Variants in AK9 observed in about 807,000 individuals in gnomAD.
The protein encoded by AK9 is adenylate kinase domain containing 1.
In AK9, 191 loss-of-function variants were observed where a neutral mutation model predicts 239.6. That is an observed-to-expected ratio of 0.80 (90% CI 0.71 to 0.90). The LOEUF is 0.90. Among genes scored for constraint, AK9 ranks in the 40% least tolerant of loss-of-function variants. The pLI, the probability that AK9 is intolerant of heterozygous loss-of-function variation, is 0.00. For synonymous variants in AK9, 689 were observed against 721.0 expected (o/e 0.96, Z 0.71); for missense variants, 1,995 against 2,214.7 (o/e 0.90, Z 1.99).
chr6:109,589,063 T>C (rs114502075), intron 17 of AK9, among the ~76,000 whole-genome samples: 1,735 of 152,330 alleles, frequency 0.011, 31 homozygotes, highest in African/African-American at 0.039. Flanking sequence ...ATTTGGGCTC[T>C]TTTTATTGTT....
rs373528361 is a variant in AK9, at chr6:109,493,330, G to C, written c.*39C>G. ...TCTCAGTTTCCCTCTATCACTTTCA[G>C]ATAACTCTTGAGATTCAGGCTGCTA... On this transcript the variant is annotated 3_prime_UTR_variant, in exon 41 of 41. Coordinates refer to ENST00000424296, the MANE Select transcript of AK9 (RefSeq NM_001145128.3). 1.9e-6 allele frequency: 3 copies of C among 1,580,156 alleles called. No homozygotes were observed.
At chr6:109,573,107 A>G (rs151215469) in intron 21 of AK9, among the ~76,000 whole-genome samples, 1 of 152,356 alleles carries the variant, frequency 6.6e-6, no homozygotes, top group East Asian at 1.9e-4. Context: ...AAACAAAAAA[A>G]TAGCATGACA....
intron 12 of AK9, among the ~76,000 whole-genome samples, chr6:109,631,246 G>C (rs542413472): frequency 1.3e-5 from 2 of 152,068 alleles, no homozygotes; most frequent in Non-Finnish European, 2.9e-5. Context: ...TTAGAAAAGT[G>C]AAATGGCAAA....
chr6:109,618,283 A>G (rs13204787), intron 13 of AK9, among the ~76,000 whole-genome samples: 32,119 of 151,962 alleles, frequency 0.21, 4,073 homozygotes, highest in Middle Eastern at 0.3. Flanking sequence ...CATTAAGAGG[A>G]AAGGTTTAGA....
intron 28 of AK9, among the ~76,000 whole-genome samples, chr6:109,529,845 G>C (rs1985123): frequency 0.58 from 88,469 of 151,926 alleles, 27,448 homozygotes; most frequent in South Asian, 0.84. Context: ...TGAGTGATGG[G>C]GAGCGGCTGT....
chr6:109,494,044 G>A lies in AK9; in HGVS notation c.5470C>T (p.Pro1824Ser), dbSNP rs1299056984. Residue 1824 changes from proline (P) to serine (S), a missense_variant, in exon 40 of 41, where the codon CCC becomes TCC. Around this residue, in one of 5 missense-constraint regions of AK9, gnomAD observed 391 missense variants for 456.0 expected, o/e 0.86. Coordinates refer to ENST00000424296, the MANE Select transcript of AK9 (RefSeq NM_001145128.3). ...CTTATACTTAAAAAGGGGAACTTGG[G>A]CTTTAAGCATCCCGCTGCATTCATT... ...KAMNAAGCLK[P>S]KFPFLSIRRS... 1 of 1,613,674 alleles carries A rather than the reference G, an allele frequency of 6.2e-7. No individual in the cohort carries two copies. The highest frequency in any genetic ancestry group is 1.7e-5 in the Admixed American group (1 of 60,014).
intron 29 of AK9, among the ~76,000 whole-genome samples, chr6:109,521,168 A>G (rs1281373453): frequency 6.6e-6 from 1 of 152,072 alleles, no homozygotes; most frequent in African/African-American, 2.4e-5. Flanking sequence ...TCATTTAATC[A>G]TTCTTCTCTT....
At chr6:109,528,362 T>G in intron 29 of AK9, 1 of 359,804 alleles carries the variant, frequency 2.8e-6, no homozygotes, top group South Asian at 2.1e-5. Flanking sequence ...CTGTAAGTTT[T>G]GCTCATGGCT....
At chr6:109,523,898 C>A (rs1780143915) in intron 29 of AK9, among the ~76,000 whole-genome samples, 1 of 152,118 alleles carries the variant, frequency 6.6e-6, no homozygotes, top group Non-Finnish European at 1.5e-5. Flanking sequence ...AAAACAAAAA[C>A]CTCAGTTCTC....
intron 17 of AK9, among the ~76,000 whole-genome samples, chr6:109,588,387 T>A (rs1170627463): frequency 6.6e-6 from 1 of 152,196 alleles, no homozygotes; most frequent in Non-Finnish European, 1.5e-5. Context: ...CCTTCTTGTA[T>A]GTCTTCTTTT....
intron 7 of AK9, 22 bp downstream of exon 7, chr6:109,659,206 T>G: frequency 6.4e-7 from 1 of 1,552,256 alleles, no homozygotes; most frequent in African/African-American, 1.4e-5. Context: ...TAGTGTATGG[T>G]AGTTACCTAT....
At chr6:109,546,576 G>A (rs1236472360) in intron 25 of AK9, among the ~76,000 whole-genome samples, 1 of 152,002 alleles carries the variant, frequency 6.6e-6, no homozygotes, top group Non-Finnish European at 1.5e-5. Flanking sequence ...TGCTGAAACT[G>A]TCAAGAACAA....
rs374115034 is a variant in AK9 at position 109,514,218 on chromosome 6, G to A, written c.4279+6C>T. On this transcript the variant is annotated splice_donor_region_variant and intron_variant, in intron 32 of 40. Transcript: ENST00000424296. ...TTGAGGAAAACAAAGGCAAACATAC[G>A]CTCACCTGTAGTTTTCCCAGATTTT... 59 of 1,547,190 alleles carry A rather than the reference G, an allele frequency of 3.8e-5. No individual in the cohort carries two copies. The African/African-American group carries it at 5.8e-4, about 15-fold the overall frequency.
At chr6:109,599,814 G>A (rs1791646538) in intron 17 of AK9, among the ~76,000 whole-genome samples, 2 of 152,034 alleles carry the variant, frequency 1.3e-5, no homozygotes, top group African/African-American at 2.4e-5. Context: ...TGGATTCCTA[G>A]GTATTTTATT....
chr6:109,566,113 C>T (rs1175879846), intron 21 of AK9, among the ~76,000 whole-genome samples: 2 of 151,868 alleles, frequency 1.3e-5, no homozygotes, highest in Non-Finnish European at 2.9e-5. Flanking sequence ...CTAGAAGAGC[C>T]ATACAAGATG....
At chr6:109,508,072 C>T (rs1182326034) in intron 33 of AK9, among the ~76,000 whole-genome samples, 1 of 152,122 alleles carries the variant, frequency 6.6e-6, no homozygotes, top group Non-Finnish European at 1.5e-5. Flanking sequence ...GGGGGCTGCC[C>T]GATTTGTGAA....
intron 26 of AK9, 43 bp from the exon 27 acceptor site, chr6:109,542,214 A>G (rs1201629805): frequency 2.6e-6 from 4 of 1,526,096 alleles, no homozygotes; most frequent in Non-Finnish European, 3.5e-6. Flanking sequence ...TTAAAACTCT[A>G]TGCTAATAAT....
chr6:109,666,413 C>A (rs1801206854), intron 5 of AK9, among the ~76,000 whole-genome samples: 1 of 152,154 alleles, frequency 6.6e-6, no homozygotes, highest in Admixed American at 6.5e-5. Flanking sequence ...CCCCACATGT[C>A]CTTGAGACCA....
chr6:109,599,238 A>G (rs1338281923), intron 17 of AK9, among the ~76,000 whole-genome samples: 1 of 152,052 alleles, frequency 6.6e-6, no homozygotes, highest in Non-Finnish European at 1.5e-5. Flanking sequence ...ATCCATCTTG[A>G]ATTAATTTTT....
Sources: gnomAD v4.1 joint callset for allele counts (sites outside exome capture counted in the v4.1 genomes callset) on GRCh38, gnomAD v4.1.1 for gene constraint, gnomAD v4.1.1 regional missense constraint, MANE v1.5 for transcripts, NCBI Gene and HGNC (gene_info 2026-07-23, HGNC 2026-07-21) for gene names.